LEPROTL1: variants seen among roughly 807,000 people sequenced by gnomAD.
The protein encoded by LEPROTL1 is leptin receptor overlapping transcript-like 1.
In LEPROTL1, 6 loss-of-function variants were observed where a neutral mutation model predicts 15.4. The observed-to-expected ratio is 0.39, with a 90% CI of 0.21 to 0.77. LEPROTL1 has a LOEUF of 0.77. Among genes scored for constraint, LEPROTL1 ranks in the 30% least tolerant of loss-of-function variants. The pLI is 0.41. For synonymous variants in LEPROTL1, 56 were observed against 52.6 expected (o/e 1.06, Z -0.28); for missense variants, 128 against 158.1 (o/e 0.81, Z 1.02).
chr8:30,104,195 C>T, intron 2 of LEPROTL1, 105 bp from the exon 3 acceptor site: 1 of 605,726 alleles, frequency 1.7e-6, no homozygotes, highest in Non-Finnish European at 2.7e-6. Context: ...GGGTATCATC[C>T]ATTAGAAGTC....
chr8:30,118,100 C>G lies in LEPROTL1; in HGVS notation c.279+13614C>G, dbSNP rs184533652. ...AGAGCAGTGGCAGAATCTTGGCTCACTGCAACCTCTGCCTCCTGGGTTCAA... is the reference window on the plus strand; with the variant it reads ...AGAGCAGTGGCAGAATCTTGGCTCAGTGCAACCTCTGCCTCCTGGGTTCAA... On this transcript the variant is annotated intron_variant, in intron 3 of 4. Transcript: ENST00000442880. Among the ~76,000 whole-genome samples the G allele has an allele frequency of 1.7e-3, 244 of 145,158 alleles. 2 individuals carry two copies. The highest frequency in any genetic ancestry group is 6.0e-3 in the African/African-American group (234 of 39,076).
At chr8:30,132,713 G>C in intron 4 of LEPROTL1, 2 of 1,551,778 alleles carry the variant, frequency 1.3e-6, no homozygotes, top group Non-Finnish European at 1.7e-6. Flanking sequence ...AAGGAGCACA[G>C]AGAGCCTCCC....
In LEPROTL1 at chr8:30,096,733, T is replaced by C. The variant is rs532599672; in HGVS notation, c.16+1205T>C. ...ATAATGCGGGGGTCTCTTAAGAAAATAGCTTTGTAATTTACTTCTCCAGAC... is the reference window on the plus strand; with the variant it reads ...ATAATGCGGGGGTCTCTTAAGAAAACAGCTTTGTAATTTACTTCTCCAGAC... On this transcript the variant is annotated intron_variant, in intron 1 of 3. Transcript: ENST00000321250. Among the ~76,000 whole-genome samples, 13 of 152,278 alleles carry C rather than the reference T, an allele frequency of 8.5e-5. 1 individual carries two copies. The highest frequency in any genetic ancestry group is 8.3e-4 in the South Asian group (4 of 4,824).
chr8:30,123,049 A>G (rs1045920253), intron 3 of LEPROTL1, among the ~76,000 whole-genome samples: 2 of 152,154 alleles, frequency 1.3e-5, no homozygotes, highest in African/African-American at 4.8e-5. Flanking sequence ...TCACTTACAT[A>G]GCTGGCAATT....
chr8:30,114,477 G>A (rs563156206), intron 3 of LEPROTL1, among the ~76,000 whole-genome samples: 4 of 151,984 alleles, frequency 2.6e-5, no homozygotes, highest in African/African-American at 9.6e-5. Context: ...TTTTAGTAGA[G>A]ACAGGGTTTT....
In LEPROTL1 at chr8:30,106,727, C is replaced by T. The variant is rs533428435; in HGVS notation, c.*865C>T. ...AATTTGTGATCTCCTATCAACCTTT[C>T]ATGTTTTACCCTGTTAAAATGGACA... On this transcript the variant is annotated 3_prime_UTR_variant, in exon 4 of 4. Transcript: ENST00000321250. The T allele has an allele frequency of 9.9e-5, 98 of 985,178 alleles. No homozygotes were observed. The African/African-American group carries it at 1.6e-3, about 16-fold the overall frequency. 61.0% of individuals were successfully genotyped at this position (985,178 alleles called of 1,614,324 possible). A position where few individuals can be genotyped will look rare whatever the true frequency, so the allele number is the denominator to read the frequency against.
chr8:30,104,165 T>C, intron 2 of LEPROTL1, 135 bp from the exon 3 acceptor site: 1 of 462,654 alleles, frequency 2.2e-6, no homozygotes, highest in Non-Finnish European at 3.8e-6. Flanking sequence ...TTAGGGTTGT[T>C]TCAGCTTTAT....
intron 3 of LEPROTL1, among the ~76,000 whole-genome samples, chr8:30,122,655 TGTG>T (rs1279064382): frequency 6.6e-6 from 1 of 151,772 alleles, no homozygotes; most frequent in African/African-American, 2.4e-5. Flanking sequence ...TTTAGCCAGG[TGTG>T]GTGGTGCATG....
At chr8:30,136,730 C>CTTTTTTTTTTTTTT (rs11390350) in intron 4 of LEPROTL1, among the ~76,000 whole-genome samples, 2 of 143,788 alleles carry the variant, frequency 1.4e-5, no homozygotes, top group African/African-American at 2.6e-5. Flanking sequence ...TCCCCCCGAA[C>CTTTTTTTTTTTTTT]TTTTTTTTTT....
At chr8:30,117,041 T>C (rs1005459913) in intron 3 of LEPROTL1, among the ~76,000 whole-genome samples, 5 of 152,208 alleles carry the variant, frequency 3.3e-5, no homozygotes, top group African/African-American at 1.2e-4. Flanking sequence ...TTGAGAGATG[T>C]GTGAGTAGAG....
In LEPROTL1 at chr8:30,106,763, C is replaced by T. The variant is rs1802575670; in HGVS notation, c.*901C>T. 1 of 984,388 alleles carries T rather than the reference C, an allele frequency of 1.0e-6. No homozygotes were observed. Among genetic ancestry groups the T allele is most frequent in the Middle Eastern group, 5.2e-4 (1 of 1,908 alleles). The allele number at this position is 984,388 out of a possible 1,614,324, so 61.0% of individuals were successfully genotyped here. A position where few individuals can be genotyped will look rare whatever the true frequency, so the allele number is the denominator to read the frequency against. Reference sequence around the variant, plus strand: ...CTGTTAAAATGGACATACATGGAACCACTACTGATGAGGGACAGTTGTATG... The same window carrying T: ...CTGTTAAAATGGACATACATGGAACTACTACTGATGAGGGACAGTTGTATG... On this transcript the variant is annotated 3_prime_UTR_variant, in exon 4 of 4. Coordinates refer to ENST00000321250, the MANE Select transcript of LEPROTL1 (RefSeq NM_015344.3).
chr8:30,105,668 C>T, intron 3 of LEPROTL1, 78 bp from the exon 4 acceptor site: 2 of 1,254,554 alleles, frequency 1.6e-6, no homozygotes, highest in Non-Finnish European at 2.3e-6. Flanking sequence ...AATTGGGATA[C>T]AACTAGAGCC....
intron 3 of LEPROTL1, chr8:30,105,212 T>C (rs2117486381): frequency 6.6e-6 from 1 of 152,368 alleles, no homozygotes; most frequent in Middle Eastern, 3.4e-3. Flanking sequence ...TCCACGCGCC[T>C]TCATCTCTGG....
In LEPROTL1 at chr8:30,106,821, G is replaced by C; in HGVS notation, c.*959G>C. Reference sequence around the variant, plus strand: ...CATATATGCCAGAAAACCTTCCTCTGCTTCCTCCTTTTGACTTATTTGGTA... The same window carrying C: ...CATATATGCCAGAAAACCTTCCTCTCCTTCCTCCTTTTGACTTATTTGGTA... On this transcript the variant is annotated 3_prime_UTR_variant, in exon 4 of 4. Coordinates refer to ENST00000321250, the MANE Select transcript of LEPROTL1 (RefSeq NM_015344.3). The C allele has an allele frequency of 2.0e-6, 2 of 984,890 alleles. No homozygotes were observed. The highest frequency in any genetic ancestry group is 2.4e-6 in the Non-Finnish European group (2 of 829,108). 61.0% of individuals were successfully genotyped at this position (984,890 alleles called of 1,614,324 possible).
rs1043884885 is a variant in LEPROTL1 at position 30,105,969 on chromosome 8, G to C, written c.*107G>C. 24 of 1,312,100 alleles carry C rather than the reference G, an allele frequency of 1.8e-5. No individual in the cohort carries two copies. The highest frequency in any genetic ancestry group is 7.7e-5 in the African/African-American group (5 of 65,220). 81.3% of individuals were successfully genotyped at this position (1,312,100 alleles called of 1,614,324 possible). ...GCTGAATGGTATAGCAAGCCTCTTG[G>C]GGGTATTTTAGGTGCTCCCTTCTCA... On this transcript the variant is annotated 3_prime_UTR_variant, in exon 4 of 4. Transcript: ENST00000321250.
intron 4 of LEPROTL1, among the ~76,000 whole-genome samples, chr8:30,134,471 C>G (rs915437322): frequency 1.3e-5 from 2 of 151,998 alleles, no homozygotes; most frequent in Non-Finnish European, 2.9e-5. Context: ...TCTTCCTTTA[C>G]CTACCTGAAA....
At chr8:30,137,361 C>T (rs530690685) in exon 5 of LEPROTL1, 38 of 1,551,598 alleles carry the variant, frequency 2.4e-5, no homozygotes, top group East Asian at 4.9e-5. Flanking sequence ...TCCCAGCAGC[C>T]GCCATGAGAA....
Position 30,108,040 on chromosome 8 carries a change from T to G in LEPROTL1, c.*2178T>G, listed in dbSNP as rs373426744. On this transcript the variant is annotated 3_prime_UTR_variant, in exon 4 of 4. Transcript: ENST00000321250. ...TCTATGGAAAGAAAACTTTTGATGATGAAACAATAAAGATTTTAAATATCT... is the reference window on the plus strand; with the variant it reads ...TCTATGGAAAGAAAACTTTTGATGAGGAAACAATAAAGATTTTAAATATCT... 1.7e-5 allele frequency: 15 copies of G among 904,670 alleles called. No homozygotes were observed. In the African/African-American group the frequency reaches 2.0e-4, roughly 12 times the overall value. 56.0% of individuals were successfully genotyped at this position (904,670 alleles called of 1,614,324 possible).
downstream of LEPROTL1, chr8:30,137,959 C>G (rs1803183675): frequency 5.1e-6 from 1 of 198,018 alleles, no homozygotes; most frequent in African/African-American, 2.3e-5. Flanking sequence ...AGACCCTGCC[C>G]TTGATGGATC....
Sources: allele counts gnomAD v4.1 joint callset (sites outside exome capture counted in the v4.1 genomes callset), GRCh38; gene constraint gnomAD v4.1.1; transcripts MANE v1.5; gene names NCBI Gene and HGNC (gene_info 2026-07-23, HGNC 2026-07-21).